The following PLCB4 variants were observed in gnomAD, a reference collection of about 807,000 sequenced individuals.
PLCB4 encodes 1-phosphatidylinositol 4,5-bisphosphate phosphodiesterase beta-4.
In PLCB4, 77 loss-of-function variants were observed where a neutral mutation model predicts 178.8. The ratio of observed to expected loss-of-function variants is 0.43; its 90% confidence interval spans 0.36 to 0.52. The LOEUF (loss-of-function observed/expected upper bound fraction) is 0.52, where lower values mean the gene tolerates loss of function less well. Ranked by LOEUF, PLCB4 falls within the 20% of genes least tolerant of loss-of-function variation. PLCB4 has a pLI of 0.00. For synonymous variants in PLCB4, 496 were observed against 490.8 expected (o/e 1.01, Z -0.14); for missense variants, 1,024 against 1,453.4 (o/e 0.70, Z 4.80).
In PLCB4 at chr20:9,457,415, G is replaced by T; in HGVS notation, c.2998G>T (p.Gly1000Ter). Residue 1000 changes from glycine to a stop codon, truncating the protein, a stop_gained and splice_region_variant, in exon 34 of 40, where the codon GGA becomes TGA. Transcript: ENST00000378473. LOFTEE classifies it high-confidence loss of function. ...ILEKAMKKKG[G>*]SNCLEMKKET... is the part of the protein sequence containing the mutation. ...GCATTTGCAACTTTCCATTTTCAGG[G>T]GAAGTAATTGTCTCGAAATGAAAAA... The T allele has an allele frequency of 6.8e-7, 1 of 1,470,284 alleles. No individual in the cohort carries two copies. Among genetic ancestry groups the T allele is most frequent in the Non-Finnish European group, 9.5e-7 (1 of 1,048,988 alleles). 91.1% of individuals were successfully genotyped at this position (1,470,284 alleles called of 1,614,324 possible). A position where few individuals can be genotyped will look rare whatever the true frequency, so the allele number is the denominator to read the frequency against.
At chr20:9,315,290 C>T (rs1371577275) in intron 4 of PLCB4, among the ~76,000 whole-genome samples, 2 of 152,180 alleles carry the variant, frequency 1.3e-5, no homozygotes, top group African/African-American at 4.8e-5. Context: ...ATCTTGAGTA[C>T]AGTTGGCCCT....
rs778569558 is a variant in PLCB4 at position 9,395,491 on chromosome 20, G to A, written c.1415-32G>A. Reference sequence around the variant, plus strand: ...AGGGTTTGTATGTTACCTAGCATCTGTCACCATCTCTTTGCGTGTTTTTGC... The same window carrying A: ...AGGGTTTGTATGTTACCTAGCATCTATCACCATCTCTTTGCGTGTTTTTGC... On this transcript the variant is annotated intron_variant, in intron 18 of 39. Transcript: ENST00000378473. The A allele has an allele frequency of 1.1e-5, 16 of 1,476,650 alleles. No individual in the cohort carries two copies. The Admixed American group carries it at 2.7e-4, about 25-fold the overall frequency. 91.5% of individuals were successfully genotyped at this position (1,476,650 alleles called of 1,614,324 possible).
chr20:9,452,302 C>A (rs983400152), intron 32 of PLCB4, among the ~76,000 whole-genome samples: 2 of 152,160 alleles, frequency 1.3e-5, no homozygotes, highest in Non-Finnish European at 2.9e-5. Flanking sequence ...TGCATAAAGT[C>A]AAGCCTACCT....
chr20:9,258,610 G>A (rs2094262123), intron 3 of PLCB4, among the ~76,000 whole-genome samples: 2 of 150,610 alleles, frequency 1.3e-5, no homozygotes, highest in East Asian at 4.0e-4. Context: ...AGCTACTCAG[G>A]ATGCTGAGGC....
chr20:9,421,650 C>T (rs898744293), intron 27 of PLCB4, among the ~76,000 whole-genome samples, 189 bp downstream of exon 27: 1 of 152,078 alleles, frequency 6.6e-6, no homozygotes, highest in Non-Finnish European at 1.5e-5. Context: ...TTTTGGTTCT[C>T]CTCTCCTCCT....
At chr20:9,421,254 A>T (rs2040611968) in intron 26 of PLCB4, 43 bp from the exon 27 acceptor site, 3 of 1,524,664 alleles carry the variant, frequency 2.0e-6, no homozygotes, top group East Asian at 4.6e-5. Flanking sequence ...ACTGATGCTT[A>T]CACAGAGCTT....
At chr20:9,307,942 A>C (rs756453877) in intron 4 of PLCB4, 44 bp downstream of exon 4, 2 of 792,008 alleles carry the variant, frequency 2.5e-6, no homozygotes, top group Non-Finnish European at 4.1e-6. Context: ...CATTCTAATA[A>C]TTATTAAATT....
At chr20:9,187,001 G>A (rs1382205615) in intron 2 of PLCB4, among the ~76,000 whole-genome samples, 1 of 151,954 alleles carries the variant, frequency 6.6e-6, no homozygotes, top group Non-Finnish European at 1.5e-5. Context: ...TTGAGATGGA[G>A]TCTTGCTCTG....
intron 1 of PLCB4, among the ~76,000 whole-genome samples, chr20:9,077,187 C>A (rs114181536): frequency 6.6e-6 from 1 of 152,084 alleles, no homozygotes; most frequent in African/African-American, 2.4e-5. Context: ...TTTGATAGTA[C>A]GGATGTACTG....
At chr20:9,349,189 C>A (rs2051097361) in intron 7 of PLCB4, among the ~76,000 whole-genome samples, 1 of 152,036 alleles carries the variant, frequency 6.6e-6, no homozygotes, top group African/African-American at 2.4e-5. Context: ...CAATTCAGTG[C>A]CATTTAGTAC....
chr20:9,406,181 T>C (rs1041375125), intron 21 of PLCB4, among the ~76,000 whole-genome samples: 1 of 152,124 alleles, frequency 6.6e-6, no homozygotes, highest in African/African-American at 2.4e-5. Flanking sequence ...TCTTCTCATG[T>C]GGTCAGTGGG....
At chr20:9,292,189 A>G (rs1042432335) in intron 3 of PLCB4, among the ~76,000 whole-genome samples, 3 of 152,230 alleles carry the variant, frequency 2.0e-5, no homozygotes, top group Admixed American at 2.0e-4. Context: ...GGCAACCTTC[A>G]GAGAGCTTAT....
intron 35 of PLCB4, among the ~76,000 whole-genome samples, chr20:9,463,637 CTAA>C (rs2043559032): frequency 6.8e-6 from 1 of 147,240 alleles, no homozygotes; most frequent in Non-Finnish European, 1.5e-5. Context: ...ATCCTAGTCT[CTAA>C]TAAAACAGAC....
chr20:9,413,433 G>T (rs2040002107), intron 25 of PLCB4, among the ~76,000 whole-genome samples: 2 of 151,950 alleles, frequency 1.3e-5, no homozygotes, highest in Admixed American at 1.3e-4. Flanking sequence ...GCCGAGGCGG[G>T]CAGATCACAA....
At chr20:9,228,798 G>C (rs2093897865) in intron 3 of PLCB4, among the ~76,000 whole-genome samples, 2 of 152,180 alleles carry the variant, frequency 1.3e-5, no homozygotes, top group Non-Finnish European at 2.9e-5. Flanking sequence ...GAAAGAAATG[G>C]GCTAGGGCAG....
chr20:9,342,232 G>A (rs2033292008), intron 7 of PLCB4, among the ~76,000 whole-genome samples: 2 of 152,092 alleles, frequency 1.3e-5, no homozygotes, highest in Admixed American at 6.6e-5. Context: ...CCATCAAAGT[G>A]AAAGTCTTTA....
At chr20:9,478,030 T>TA (rs1051489801) in intron 39 of PLCB4, among the ~76,000 whole-genome samples, 11 of 151,818 alleles carry the variant, frequency 7.2e-5, no homozygotes, top group Admixed American at 3.3e-4. Context: ...AGCATGTCAC[T>TA]AAAAAAAAGA....
Position 9,408,059 on chromosome 20 carries a change from G to T in PLCB4, c.1789+1G>T. ...TTTCAAGGTTTCCATGTGGCAGAAG[G>T]TAACACCAAAGGTTAAATGCAGTCG... On this transcript the variant is annotated splice_donor_variant, in intron 22 of 39. Transcript: ENST00000378473. LOFTEE classifies it high-confidence loss of function. 1 of 1,611,540 alleles carries T rather than the reference G, an allele frequency of 6.2e-7. No homozygotes were observed.
At chr20:9,258,751 G>T (rs1455027350) in intron 3 of PLCB4, among the ~76,000 whole-genome samples, 4 of 151,066 alleles carry the variant, frequency 2.6e-5, no homozygotes, top group Non-Finnish European at 5.9e-5. Context: ...ATTTCTAGAG[G>T]ACTAGAGGAC....
Sources: gnomAD v4.1 joint callset for allele counts (sites outside exome capture counted in the v4.1 genomes callset) on GRCh38, gnomAD v4.1.1 for gene constraint, MANE v1.5 for transcripts, NCBI Gene and HGNC (gene_info 2026-07-23, HGNC 2026-07-21) for gene names.